The following GHR variants were observed in gnomAD, a reference collection of about 807,000 sequenced individuals.
The protein encoded by GHR is GH receptor.
Under a neutral mutation model 67.1 loss-of-function variants are expected in GHR, and 35 were observed. That is an observed-to-expected ratio of 0.52 (90% CI 0.40 to 0.69). The LOEUF (loss-of-function observed/expected upper bound fraction) is 0.69, where lower values mean the gene tolerates loss of function less well. Ranked by LOEUF, GHR falls within the 30% of genes least tolerant of loss-of-function variation. The pLI is 0.00. For missense variants in GHR, 792 were observed against 764.6 expected, an observed-to-expected ratio of 1.04 and a Z score of -0.42; for synonymous variants, 272 against 269.1, an observed-to-expected ratio of 1.01 and a Z score of -0.10.
At chr5:42,505,087 G>C (rs1309037056) in intron 1 of GHR, among the ~76,000 whole-genome samples, 2 of 150,094 alleles carry the variant, frequency 1.3e-5, no homozygotes, top group African/African-American at 4.9e-5. Flanking sequence ...CCTGTCTTCG[G>C]AGTTGTTAAA....
At chr5:42,667,207 G>A (rs1580162404) in intron 3 of GHR, among the ~76,000 whole-genome samples, 1 of 152,246 alleles carries the variant, frequency 6.6e-6, no homozygotes, top group African/African-American at 2.4e-5. Flanking sequence ...GAACCTCCCT[G>A]GGAGACCCCA....
At chr5:42,569,758 A>G (rs1306179449) in intron 2 of GHR, among the ~76,000 whole-genome samples, 3 of 152,244 alleles carry the variant, frequency 2.0e-5, no homozygotes, top group Non-Finnish European at 4.4e-5. Flanking sequence ...TATGTACACT[A>G]TATGTATATA....
chr5:42,581,741 T>C (rs1751181517), intron 2 of GHR, among the ~76,000 whole-genome samples: 1 of 152,124 alleles, frequency 6.6e-6, no homozygotes, highest in African/African-American at 2.4e-5. Context: ...GGTTGTGCCC[T>C]CCACAGAGCT....
chr5:42,474,319 A>AAGAAAGAAAGAAAGAAAGAAAGAAAGAC lies in GHR; in HGVS notation c.-12+50385_-12+50386insGAAAGACAGAAAGAAAGAAAGAAAGAAA, dbSNP rs1745182158. On this transcript the variant is annotated intron_variant, in intron 1 of 9. Coordinates refer to ENST00000230882, the MANE Select transcript of GHR (RefSeq NM_000163.5). ...AGAGAAAGAAAGAAAGAAAGAAAGAAAGAAAGAAAGAAAGAAAGAAAAGAA... is the reference window on the plus strand; with the variant it reads ...AGAGAAAGAAAGAAAGAAAGAAAGAAAGAAAGAAAGAAAGAAAGAAAGAAAGACAGAAAGAAAGAAAGAAAGAAAAGAA... Among the ~76,000 whole-genome samples, 3 of 138,228 alleles carry AAGAAAGAAAGAAAGAAAGAAAGAAAGAC rather than the reference A, an allele frequency of 2.2e-5. No individual in the cohort carries two copies. In the South Asian group the frequency reaches 7.0e-4, roughly 32 times the overall value. 90.7% of individuals were successfully genotyped at this position (138,228 alleles called of 152,430 possible). A position where few individuals can be genotyped will look rare whatever the true frequency, so the allele number is the denominator to read the frequency against.
At chr5:42,579,291 A>G (rs1293435429) in intron 2 of GHR, among the ~76,000 whole-genome samples, 2 of 152,172 alleles carry the variant, frequency 1.3e-5, no homozygotes, top group African/African-American at 4.8e-5. Flanking sequence ...GAATTTCCCA[A>G]CCTTGTTCCA....
intron 1 of GHR, among the ~76,000 whole-genome samples, chr5:42,498,208 T>C (rs946421665): frequency 2.6e-5 from 4 of 152,184 alleles, no homozygotes; most frequent in Non-Finnish European, 5.9e-5. Context: ...CCTAGAGCCT[T>C]GTTTACTCAG....
At chr5:42,710,712 A>G (rs534958617) in intron 6 of GHR, among the ~76,000 whole-genome samples, 1 of 152,294 alleles carries the variant, frequency 6.6e-6, no homozygotes, top group Admixed American at 6.5e-5. Context: ...TGATTTTTCT[A>G]GGACCTTTTC....
chr5:42,447,218 A>T (rs1743841650), intron 1 of GHR, among the ~76,000 whole-genome samples: 1 of 152,048 alleles, frequency 6.6e-6, no homozygotes, highest in Admixed American at 6.6e-5. Flanking sequence ...TTTAGCGGTG[A>T]TGTCTAAGAT....
At chr5:42,459,673 A>C (rs571679786) in intron 1 of GHR, among the ~76,000 whole-genome samples, 2 of 123,370 alleles carry the variant, frequency 1.6e-5, no homozygotes, top group African/African-American at 5.0e-5. Flanking sequence ...AGTTAAAAGA[A>C]AAAAAAATGA....
At chr5:42,635,377 C>T (rs74705406) in intron 3 of GHR, among the ~76,000 whole-genome samples, 2,424 of 152,304 alleles carry the variant, frequency 0.016, 102 homozygotes, top group East Asian at 0.14. Flanking sequence ...GCTTAAGTCT[C>T]TTAACAGCCC....
intron 2 of GHR, among the ~76,000 whole-genome samples, chr5:42,627,833 T>C (rs1407832872): frequency 1.3e-5 from 2 of 152,194 alleles, no homozygotes; most frequent in Non-Finnish European, 2.9e-5. Context: ...CTCTGCCTTA[T>C]AGCAAAGGCA....
chr5:42,699,189 T>C (rs1429433890), intron 5 of GHR, among the ~76,000 whole-genome samples: 1 of 152,142 alleles, frequency 6.6e-6, no homozygotes, highest in Non-Finnish European at 1.5e-5. Context: ...GAAGATTGTA[T>C]GAGAAGATTG....
chr5:42,557,582 C>G (rs1165601754), intron 1 of GHR, among the ~76,000 whole-genome samples: 1 of 152,068 alleles, frequency 6.6e-6, no homozygotes, highest in African/African-American at 2.4e-5. Context: ...AAAATCTTAT[C>G]ATATGAATAT....
intron 2 of GHR, among the ~76,000 whole-genome samples, chr5:42,596,490 G>A (rs1031447728): frequency 6.6e-6 from 1 of 152,182 alleles, no homozygotes; most frequent in South Asian, 2.1e-4. Flanking sequence ...TCACACTGTA[G>A]GGCAGCACAC....
Position 42,438,634 on chromosome 5 carries a change from G to C in GHR, c.-12+14679G>C, listed in dbSNP as rs1348048226. On this transcript the variant is annotated intron_variant, in intron 1 of 9. Coordinates refer to ENST00000230882, the MANE Select transcript of GHR (RefSeq NM_000163.5). ...ATGAAAAGATACTGTGGATCCTACAGACAGCTTCAAATGAGGACCTGAGGC... is the reference window on the plus strand; with the variant it reads ...ATGAAAAGATACTGTGGATCCTACACACAGCTTCAAATGAGGACCTGAGGC... Among the ~76,000 whole-genome samples the C allele has an allele frequency of 2.0e-5, 3 of 152,308 alleles. No homozygotes were observed. The East Asian group carries it at 5.8e-4, about 29-fold the overall frequency.
intron 1 of GHR, among the ~76,000 whole-genome samples, chr5:42,504,122 G>A (rs891017408): frequency 1.3e-5 from 2 of 152,212 alleles, no homozygotes; most frequent in East Asian, 3.9e-4. Context: ...TAATGAACAT[G>A]TTATTCTTTT....
chr5:42,446,850 A>G (rs1743825740), intron 1 of GHR, among the ~76,000 whole-genome samples: 1 of 152,250 alleles, frequency 6.6e-6, no homozygotes, highest in Non-Finnish European at 1.5e-5. Context: ...AAGTGCAGAC[A>G]GACAAGTGAA....
intron 1 of GHR, among the ~76,000 whole-genome samples, chr5:42,547,060 A>G (rs1226250810): frequency 1.3e-5 from 2 of 152,228 alleles, no homozygotes; most frequent in African/African-American, 2.4e-5. Context: ...ATTCAAAATA[A>G]GATTTCAAAA....
intron 3 of GHR, among the ~76,000 whole-genome samples, chr5:42,646,117 AT>A (rs1754716148): frequency 1.3e-5 from 2 of 152,010 alleles, no homozygotes; most frequent in Non-Finnish European, 2.9e-5. Context: ...CTAAGGTTCC[AT>A]GGAGCAGAGC....
Sources: allele counts gnomAD v4.1 joint callset (sites outside exome capture counted in the v4.1 genomes callset), GRCh38; gene constraint gnomAD v4.1.1; transcripts MANE v1.5; gene names NCBI Gene and HGNC (gene_info 2026-07-23, HGNC 2026-07-21).